The following UTRN variants were observed in gnomAD, a reference collection of about 807,000 sequenced individuals.
UTRN encodes dystrophin-related protein 1.
Under a neutral mutation model 463.9 loss-of-function variants are expected in UTRN, and 283 were observed. The observed-to-expected ratio is 0.61, with a 90% CI of 0.55 to 0.67. UTRN has a LOEUF of 0.67. UTRN is among the 30% of genes least tolerant of loss of function. UTRN has a pLI of 0.00. For synonymous variants in UTRN, 1,442 were observed against 1,431.5 expected, an observed-to-expected ratio of 1.01 and a Z score of -0.17; for missense variants, 3,922 against 4,084.3, an observed-to-expected ratio of 0.96 and a Z score of 1.08.
At chr6:144,764,805 GAA>G (rs1331212657) in intron 58 of UTRN, among the ~76,000 whole-genome samples, 1 of 151,902 alleles carries the variant, frequency 6.6e-6, no homozygotes, top group Admixed American at 6.6e-5. Context: ...ATACATAAAA[GAA>G]AGAGATAAAG....
intron 53 of UTRN, 66 bp from the exon 54 acceptor site, chr6:144,730,291 G>A: frequency 7.0e-7 from 1 of 1,434,466 alleles, no homozygotes; most frequent in Non-Finnish European, 9.2e-7. Context: ...TGGTATAGTT[G>A]AAGATGTCCC....
Position 144,623,180 on chromosome 6 carries a change from G to A in UTRN, c.7479+45892G>A, listed in dbSNP as rs546131947. 1.1e-4 allele frequency among the ~76,000 whole-genome samples: 16 copies of A among 152,286 alleles called. No homozygotes were observed. In the South Asian group the frequency reaches 1.2e-3, roughly 12 times the overall value. On this transcript the variant is annotated intron_variant, in intron 51 of 74. Transcript: ENST00000367545. ...TTAGCTGTGTGAATTGGATCAAGTC[G>A]TTTAGATTCTCTGGGCCTCAATTTC...
At chr6:144,712,517 G>T (rs566278694) in intron 53 of UTRN, among the ~76,000 whole-genome samples, 67 of 152,250 alleles carry the variant, frequency 4.4e-4, no homozygotes, top group African/African-American at 1.6e-3. Flanking sequence ...CACATATTTA[G>T]CCCAGAGATA....
At chr6:144,378,329 A>G (rs1562316150) in intron 2 of UTRN, among the ~76,000 whole-genome samples, 1 of 152,238 alleles carries the variant, frequency 6.6e-6, no homozygotes, top group Non-Finnish European at 1.5e-5. Context: ...TAAATTGACA[A>G]CCTGTATTGG....
In UTRN at chr6:144,346,821, T is replaced by TA. The variant is rs200615551; in HGVS notation, c.79+54924dup. ...CCGGGCATCAGGGCGAGACTCTGTTTAAAAAAAAAATAGATCTCTATCTCT... is the reference window on the plus strand; with the variant it reads ...CCGGGCATCAGGGCGAGACTCTGTTTAAAAAAAAAAATAGATCTCTATCTCT... On this transcript the variant is annotated intron_variant, in intron 2 of 74. Coordinates refer to ENST00000367545, the MANE Select transcript of UTRN (RefSeq NM_007124.3). Among the ~76,000 whole-genome samples, 85 of 149,858 alleles carry TA rather than the reference T, an allele frequency of 5.7e-4. 1 individual carries two copies. The South Asian group carries it at 0.013, about 23-fold the overall frequency.
At chr6:144,682,495 A>G (rs1782303439) in intron 52 of UTRN, among the ~76,000 whole-genome samples, 1 of 152,202 alleles carries the variant, frequency 6.6e-6, no homozygotes, top group African/African-American at 2.4e-5. Context: ...TTGGGTATAT[A>G]GCCAGCAGTG....
chr6:144,828,710 A>G, intron 68 of UTRN, 80 bp from the exon 69 acceptor site: 1 of 1,369,764 alleles, frequency 7.3e-7, no homozygotes, highest in Non-Finnish European at 1.0e-6. Context: ...TTGACAATTT[A>G]AAAATGATTA....
intron 2 of UTRN, among the ~76,000 whole-genome samples, chr6:144,365,293 C>A (rs1305253383): frequency 2.6e-5 from 4 of 152,070 alleles, no homozygotes; most frequent in Admixed American, 2.6e-4. Context: ...GAAGCTTTTC[C>A]TGTTCATGTG....
chr6:144,438,722 A>G (rs1304607144), intron 11 of UTRN, 23 bp from the exon 12 acceptor site: 1 of 1,613,620 alleles, frequency 6.2e-7, no homozygotes, highest in Non-Finnish European at 8.5e-7. Flanking sequence ...TTGTAGGAAT[A>G]ATGCTGTGTT....
intron 51 of UTRN, among the ~76,000 whole-genome samples, chr6:144,617,071 T>G (rs932702981): frequency 2.6e-5 from 4 of 152,164 alleles, no homozygotes; most frequent in African/African-American, 4.8e-5. Flanking sequence ...TATACTGTAG[T>G]TGGTTACATT....
chr6:144,460,775 A>G (rs1789328609), intron 21 of UTRN, among the ~76,000 whole-genome samples: 1 of 152,186 alleles, frequency 6.6e-6, no homozygotes, highest in Non-Finnish European at 1.5e-5. Context: ...CAGTATTTCC[A>G]TATAATCTCC....
intron 2 of UTRN, among the ~76,000 whole-genome samples, chr6:144,352,019 T>C (rs1778153636): frequency 6.6e-6 from 1 of 152,198 alleles, no homozygotes; most frequent in Non-Finnish European, 1.5e-5. Context: ...TGGCCTATTT[T>C]CTTGTTGACT....
At chr6:144,698,668 G>C (rs1015384319) in intron 52 of UTRN, among the ~76,000 whole-genome samples, 2 of 152,212 alleles carry the variant, frequency 1.3e-5, no homozygotes, top group Admixed American at 6.5e-5. Context: ...TTCAAATCCA[G>C]CCCACCAGTG....
intron 51 of UTRN, among the ~76,000 whole-genome samples, chr6:144,586,101 T>G (rs1162560786): frequency 6.6e-6 from 1 of 152,156 alleles, no homozygotes; most frequent in Non-Finnish European, 1.5e-5. Flanking sequence ...CTTTTCTGCT[T>G]ATTTTCATAC....
chr6:144,754,135 A>G (rs1791721404), intron 56 of UTRN, among the ~76,000 whole-genome samples: 1 of 151,002 alleles, frequency 6.6e-6, no homozygotes, highest in Non-Finnish European at 1.5e-5. Flanking sequence ...TATATAATCT[A>G]TTATCTATCT....
chr6:144,311,847 C>G (rs1806295866), intron 2 of UTRN: 1 of 152,034 alleles, frequency 6.6e-6, no homozygotes, highest in African/African-American at 2.4e-5. Context: ...ATTTTTATCT[C>G]TAAAATGAGT....
chr6:144,836,088 G>A (rs575029524), intron 70 of UTRN, 150 bp downstream of exon 70: 1 of 1,393,074 alleles, frequency 7.2e-7, no homozygotes, highest in Non-Finnish European at 9.7e-7. Flanking sequence ...TGGGATGCTG[G>A]CTGCAATACA....
chr6:144,347,235 G>T (rs1777663357), intron 2 of UTRN, among the ~76,000 whole-genome samples: 1 of 152,220 alleles, frequency 6.6e-6, no homozygotes, highest in South Asian at 2.1e-4. Context: ...TCCCCCATTA[G>T]AATCACCAAC....
intron 51 of UTRN, among the ~76,000 whole-genome samples, chr6:144,591,170 A>T (rs1325752576): frequency 6.6e-6 from 1 of 152,130 alleles, no homozygotes; most frequent in Non-Finnish European, 1.5e-5. Flanking sequence ...GGATGTTCAC[A>T]TTACAGTCGC....
Sources: allele counts gnomAD v4.1 joint callset (sites outside exome capture counted in the v4.1 genomes callset), GRCh38; gene constraint gnomAD v4.1.1; transcripts MANE v1.5; gene names NCBI Gene and HGNC (gene_info 2026-07-23, HGNC 2026-07-21).